VAMP4: variants seen among roughly 807,000 people sequenced by gnomAD.
VAMP4 encodes the protein vesicle-associated membrane protein 4.
Under a neutral mutation model 23.5 loss-of-function variants are expected in VAMP4, and 19 were observed. The observed-to-expected ratio is 0.81, with a 90% CI of 0.56 to 1.19. VAMP4 has a LOEUF of 1.19. Ranked by LOEUF, VAMP4 falls within the 50% of genes most tolerant of loss-of-function variation. VAMP4 has a pLI of 0.00. For missense variants in VAMP4, 145 were observed against 168.6 expected, an observed-to-expected ratio of 0.86 and a Z score of 0.78; for synonymous variants, 31 against 51.0, an observed-to-expected ratio of 0.61 and a Z score of 1.67.
chr1:171,729,476 G>A (rs1157746012), intron 2 of VAMP4, among the ~76,000 whole-genome samples: 3 of 152,102 alleles, frequency 2.0e-5, no homozygotes, highest in African/African-American at 4.8e-5. Context: ...TTTTGACTGC[G>A]TTTTGACTGC....
At chr1:171,733,408 C>G (rs961822733) in intron 2 of VAMP4, among the ~76,000 whole-genome samples, 3 of 150,652 alleles carry the variant, frequency 2.0e-5, no homozygotes, top group African/African-American at 7.3e-5. Context: ...GCTGCAGAAC[C>G]CTGATCGTGC....
In VAMP4 at chr1:171,701,021, G is replaced by T. The variant is rs1258138077; in HGVS notation, c.*3485C>A. 6.6e-6 allele frequency: 1 copy of T among 151,964 alleles called. No individual in the cohort carries two copies. Among genetic ancestry groups the T allele is most frequent in the African/African-American group, 2.4e-5 (1 of 41,370 alleles). The allele number at this position is 151,964 out of a possible 1,614,324, so 9.4% of individuals were successfully genotyped here. A position where few individuals can be genotyped will look rare whatever the true frequency, so the allele number is the denominator to read the frequency against. Reference sequence around the variant, plus strand: ...AATAAGACTATCTCAAAGTATTAAAGAGGATCTAAACCCTACATCAATCTA... The same window carrying T: ...AATAAGACTATCTCAAAGTATTAAATAGGATCTAAACCCTACATCAATCTA... On this transcript the variant is annotated 3_prime_UTR_variant, in exon 8 of 8. Coordinates refer to ENST00000236192, the MANE Select transcript of VAMP4 (RefSeq NM_003762.5).
intron 6 of VAMP4, 74 bp from the exon 7 acceptor site, chr1:171,706,492 T>C: frequency 7.4e-7 from 1 of 1,354,066 alleles, no homozygotes; most frequent in South Asian, 1.4e-5. Context: ...TTGTTCTATT[T>C]ACTGCATCAT....
chr1:171,723,490 A>C (rs922107318), intron 3 of VAMP4, among the ~76,000 whole-genome samples: 4 of 152,214 alleles, frequency 2.6e-5, no homozygotes, highest in Non-Finnish European at 5.9e-5. Flanking sequence ...CTTGCTGAGA[A>C]AAAGAATTCA....
At chr1:171,708,263 C>G (rs1654728101) in intron 6 of VAMP4, among the ~76,000 whole-genome samples, 1 of 147,598 alleles carries the variant, frequency 6.8e-6, no homozygotes, top group Non-Finnish European at 1.5e-5. Flanking sequence ...TCACTTGAAC[C>G]TAGGAGGCAG....
intron 3 of VAMP4, among the ~76,000 whole-genome samples, chr1:171,722,937 A>C (rs1355677181): frequency 6.6e-6 from 1 of 152,002 alleles, no homozygotes; most frequent in Non-Finnish European, 1.5e-5. Context: ...CAAGGGAACC[A>C]CCCCCGATAA....
chr1:171,724,878 CAT>C (rs1191329396), intron 3 of VAMP4, among the ~76,000 whole-genome samples: 6 of 152,136 alleles, frequency 3.9e-5, no homozygotes, highest in African/African-American at 1.4e-4. Context: ...AAGAAAGACA[CAT>C]AGAGTCCAGA....
chr1:171,725,460 T>C (rs1448390481), intron 3 of VAMP4, among the ~76,000 whole-genome samples: 3 of 152,006 alleles, frequency 2.0e-5, no homozygotes, highest in African/African-American at 7.2e-5. Flanking sequence ...CAGCAAACAA[T>C]TAAAAAAAAT....
At chr1:171,738,502 G>A (rs1463266429) in intron 1 of VAMP4, 39 bp from the exon 2 acceptor site, 1 of 1,347,012 alleles carries the variant, frequency 7.4e-7, no homozygotes, top group African/African-American at 1.5e-5. Context: ...TTGAGACTTT[G>A]GGGCATAAGC....
Position 171,721,743 on chromosome 1 carries a change from C to T in VAMP4, c.114-2522G>A, listed in dbSNP as rs369880274. Among the ~76,000 whole-genome samples, 484 of 151,998 alleles carry T rather than the reference C, an allele frequency of 3.2e-3. 3 individuals carry two copies. Among genetic ancestry groups the T allele is most frequent in the African/African-American group, 0.011 (454 of 41,458 alleles). ...AGGAGAACTACAAACCACTGCTCAACGAAATAAAAGAGGACACAAACAAAT... is the reference window on the plus strand; with the variant it reads ...AGGAGAACTACAAACCACTGCTCAATGAAATAAAAGAGGACACAAACAAAT... On this transcript the variant is annotated intron_variant, in intron 3 of 7. Coordinates refer to ENST00000236192, the MANE Select transcript of VAMP4 (RefSeq NM_003762.5).
intron 2 of VAMP4, among the ~76,000 whole-genome samples, chr1:171,733,372 G>T (rs529560991): frequency 6.6e-6 from 1 of 151,748 alleles, no homozygotes; most frequent in African/African-American, 2.4e-5. Flanking sequence ...AGGCTACTTG[G>T]GGGGATTGCT....
chr1:171,702,259 A>G lies in VAMP4; in HGVS notation c.*2247T>C, dbSNP rs1654476436. 6.6e-6 allele frequency: 1 copy of G among 152,066 alleles called. No individual in the cohort carries two copies. The highest frequency in any genetic ancestry group is 1.5e-5 in the Non-Finnish European group (1 of 67,910). The allele number at this position is 152,066 out of a possible 1,614,324, so 9.4% of individuals were successfully genotyped here. A position where few individuals can be genotyped will look rare whatever the true frequency, so the allele number is the denominator to read the frequency against. On this transcript the variant is annotated 3_prime_UTR_variant, in exon 8 of 8. Coordinates refer to ENST00000236192, the MANE Select transcript of VAMP4 (RefSeq NM_003762.5). ...AAGGATTTCAGGATTAATCAAGACC[A>G]AGAAAGATGAAATGATGAATTACAA...
intron 4 of VAMP4, among the ~76,000 whole-genome samples, chr1:171,714,826 T>G (rs1283440790): frequency 3.3e-5 from 5 of 152,160 alleles, no homozygotes. Context: ...ATGAAGGTTA[T>G]GAGCCTGGTA....
intron 3 of VAMP4, among the ~76,000 whole-genome samples, chr1:171,722,986 C>G (rs755459674): frequency 4.1e-4 from 63 of 152,130 alleles, no homozygotes; most frequent in Non-Finnish European, 7.1e-4. Context: ...TAAGTGTCGG[C>G]TGGTCTGAGT....
intron 4 of VAMP4, among the ~76,000 whole-genome samples, chr1:171,714,966 C>A (rs114130589): frequency 0.014 from 2,174 of 152,216 alleles, 46 homozygotes; most frequent in African/African-American, 0.05. Context: ...CCAGAGATGA[C>A]ATCAAGACCC....
intron 2 of VAMP4, among the ~76,000 whole-genome samples, chr1:171,736,858 T>C (rs1315542689): frequency 1.3e-5 from 2 of 152,038 alleles, no homozygotes; most frequent in Non-Finnish European, 2.9e-5. Flanking sequence ...GCACCTGTAG[T>C]CTTTGCTACT....
chr1:171,729,111 C>T (rs771954262), intron 2 of VAMP4, among the ~76,000 whole-genome samples: 3 of 152,170 alleles, frequency 2.0e-5, no homozygotes, highest in Non-Finnish European at 2.9e-5. Context: ...TTATAACATA[C>T]AACAATTTTC....
At chr1:171,721,394 T>C (rs1464921951) in intron 3 of VAMP4, among the ~76,000 whole-genome samples, 1 of 152,168 alleles carries the variant, frequency 6.6e-6, no homozygotes, top group Non-Finnish European at 1.5e-5. Flanking sequence ...AATTGTTCTA[T>C]GTTGAAAATC....
intron 3 of VAMP4, among the ~76,000 whole-genome samples, chr1:171,724,454 C>G (rs1299632297): frequency 1.3e-5 from 2 of 151,948 alleles, no homozygotes; most frequent in Non-Finnish European, 2.9e-5. Context: ...CACATGTACC[C>G]TAGAACTTAA....
Sources: allele counts gnomAD v4.1 joint callset (sites outside exome capture counted in the v4.1 genomes callset), GRCh38; gene constraint gnomAD v4.1.1; transcripts MANE v1.5; gene names NCBI Gene and HGNC (gene_info 2026-07-23, HGNC 2026-07-21).